Variants in CARHSP1 observed in about 807,000 individuals in gnomAD.
CARHSP1 encodes calcium regulated heat stable protein 1, also known as calcium-regulated heat-stable protein 1.
Under a neutral mutation model 12.5 loss-of-function variants are expected in CARHSP1, and 14 were observed. The ratio of observed to expected loss-of-function variants is 1.12; its 90% CI spans 0.74 to 1.75. CARHSP1 has a LOEUF of 1.75. CARHSP1 is among the 40% of genes most tolerant of loss of function. The pLI, the probability that CARHSP1 is intolerant of heterozygous loss-of-function variation, is 0.00. For synonymous variants in CARHSP1, 161 were observed against 82.0 expected (o/e 1.96, Z -5.20); for missense variants, 343 against 201.6 (o/e 1.70, Z -4.25).
chr16:8,856,126 G>A (rs1400989119), intron 3 of CARHSP1, among the ~76,000 whole-genome samples: 1 of 152,168 alleles, frequency 6.6e-6, no homozygotes, highest in African/African-American at 2.4e-5. Context: ...GAGCCTTCAA[G>A]AAGGTCCCTT....
chr16:8,855,089 T>G lies in CARHSP1; in HGVS notation c.*75A>C. ...AAGCCCCGTCTCGTGTGGAAGAATG[T>G]CATCTCCAGTGTCTGCTGCCTCCTC... is the stretch of plus-strand genomic sequence containing the variant. On this transcript the variant is annotated 3_prime_UTR_variant, in exon 4 of 4. Transcript: ENST00000311052. 2.3e-6 allele frequency: 3 copies of G among 1,317,804 alleles called. No homozygotes were observed. The highest frequency in any genetic ancestry group is 2.7e-5 in the East Asian group (1 of 37,176). 81.6% of individuals were successfully genotyped at this position (1,317,804 alleles called of 1,614,324 possible).
At chr16:8,863,942 T>C (rs1175326723) in intron 1 of CARHSP1, among the ~76,000 whole-genome samples, 1 of 152,158 alleles carries the variant, frequency 6.6e-6, no homozygotes, top group Non-Finnish European at 1.5e-5. Flanking sequence ...AGGCATGGCC[T>C]TGGAGTGTCC....
chr16:8,856,183 C>T (rs888522508), intron 3 of CARHSP1, among the ~76,000 whole-genome samples: 8 of 152,290 alleles, frequency 5.3e-5, no homozygotes, highest in African/African-American at 1.9e-4. Flanking sequence ...TGTGACCACC[C>T]CCAGGAAGGT....
At chr16:8,858,582 C>T (rs563787167) in intron 2 of CARHSP1, 110 bp from the exon 3 acceptor site, 99 of 1,335,054 alleles carry the variant, frequency 7.4e-5, no homozygotes, top group Non-Finnish European at 9.8e-5. Flanking sequence ...CCAGGACCGC[C>T]ATGTACAGTC....
intron 1 of CARHSP1, among the ~76,000 whole-genome samples, chr16:8,863,087 G>C (rs745650135): frequency 6.7e-6 from 1 of 149,082 alleles, no homozygotes; most frequent in Non-Finnish European, 1.5e-5. Context: ...GTCTCCAGAC[G>C]GTCCAGGAAT....
intron 3 of CARHSP1, among the ~76,000 whole-genome samples, chr16:8,855,596 G>A (rs1381575837): frequency 1.3e-5 from 2 of 152,208 alleles, no homozygotes; most frequent in East Asian, 3.8e-4. Context: ...ACCTGTGGGT[G>A]CTCACATGGT....
At chr16:8,868,124 G>A (rs2141134041) in intron 1 of CARHSP1, 1 of 152,816 alleles carries the variant, frequency 6.5e-6, no homozygotes, top group Middle Eastern at 3.4e-3. Context: ...TCAGAGCCCA[G>A]TCTGCAGATG....
chr16:8,855,356 C>A lies in CARHSP1; in HGVS notation c.282-30G>T, dbSNP rs199763505. On this transcript the variant is annotated intron_variant, in intron 3 of 3. Transcript: ENST00000311052. ...GGGGGCATAAATAAAGCAGTCAGGGCTCACACCGGGACACAGCTCCCTTCC... is the reference window on the plus strand; with the variant it reads ...GGGGGCATAAATAAAGCAGTCAGGGATCACACCGGGACACAGCTCCCTTCC... 334 of 1,488,016 alleles carry A rather than the reference C, an allele frequency of 2.2e-4. 1 individual carries two copies. The Middle Eastern group carries it at 8.5e-3, about 38-fold the overall frequency. The allele number at this position is 1,488,016 out of a possible 1,614,324, so 92.2% of individuals were successfully genotyped here.
intron 2 of CARHSP1, chr16:8,858,701 C>G (rs913880120): frequency 3.7e-6 from 2 of 542,622 alleles, no homozygotes; most frequent in Non-Finnish European, 6.5e-6. Flanking sequence ...CCTGTTTTCC[C>G]TCCTGGAAAG....
At chr16:8,864,238 G>A (rs1291896107) in intron 1 of CARHSP1, among the ~76,000 whole-genome samples, 1 of 152,160 alleles carries the variant, frequency 6.6e-6, no homozygotes, top group African/African-American at 2.4e-5. Flanking sequence ...GCATCTGAGC[G>A]CATACACGTG....
chr16:8,858,686 T>G (rs912402391), intron 2 of CARHSP1: 35 of 555,248 alleles, frequency 6.3e-5, no homozygotes, highest in Middle Eastern at 9.7e-4. Context: ...GCCAATTTTC[T>G]CGGGCCTGTT....
At position 8,854,579 on chromosome 16, in the gene CARHSP1, C is replaced by G. The variant is rs2061036482; in HGVS notation, c.*585G>C. ...CTGCAAAGGCACCAAAAGGCAACAT[C>G]CGTCCAATCCAAAGACCGCCACCCC... On this transcript the variant is annotated 3_prime_UTR_variant, in exon 4 of 4. Coordinates refer to ENST00000311052, the MANE Select transcript of CARHSP1 (RefSeq NM_014316.4). The G allele has an allele frequency of 1.3e-5, 2 of 152,866 alleles. No homozygotes were observed. The highest frequency in any genetic ancestry group is 6.5e-5 in the Admixed American group (1 of 15,292). 9.5% of individuals were successfully genotyped at this position (152,866 alleles called of 1,614,324 possible).
Position 8,858,584 on chromosome 16 carries a change from T to G in CARHSP1, c.159-112A>C. The G allele has an allele frequency of 5.2e-6, 7 of 1,335,846 alleles. No individual in the cohort carries two copies. In the East Asian group the frequency reaches 9.6e-5, roughly 18 times the overall value. 82.7% of individuals were successfully genotyped at this position (1,335,846 alleles called of 1,614,324 possible). On this transcript the variant is annotated intron_variant, in intron 2 of 3. Coordinates refer to ENST00000311052, the MANE Select transcript of CARHSP1 (RefSeq NM_014316.4). ...CATCAAGCCCTGGCCAGGACCGCCA[T>G]GTACAGTCACACAGGCTGAGGACTG...
intron 1 of CARHSP1, chr16:8,860,464 G>A (rs927793879): frequency 1.6e-5 from 16 of 985,256 alleles, no homozygotes; most frequent in Non-Finnish European, 1.9e-5. Flanking sequence ...GAATATGAAG[G>A]TGTCGGCTCT....
intron 1 of CARHSP1, chr16:8,860,316 T>C (rs558944107): frequency 1.0e-4 from 100 of 985,244 alleles, no homozygotes; most frequent in Admixed American, 3.1e-4. Flanking sequence ...CACGCTGTTA[T>C]GAAATCAAAT....
chr16:8,858,611 A>C lies in CARHSP1; in HGVS notation c.159-139T>G, dbSNP rs2061234016. ...TACAGTCACACAGGCTGAGGACTGC[A>C]CAACCCTCAACCCTGGGAGCCGCTC... is the stretch of plus-strand genomic sequence containing the variant. On this transcript the variant is annotated intron_variant, in intron 2 of 3. Coordinates refer to ENST00000311052, the MANE Select transcript of CARHSP1 (RefSeq NM_014316.4). 5 of 1,025,536 alleles carry C rather than the reference A, an allele frequency of 4.9e-6. No individual in the cohort carries two copies. The South Asian group carries it at 8.4e-5, about 17-fold the overall frequency. The allele number at this position is 1,025,536 out of a possible 1,614,324, so 63.5% of individuals were successfully genotyped here.
rs532115864 is a variant in CARHSP1, at chr16:8,866,479, C to T, written c.-8+2487G>A. On this transcript the variant is annotated intron_variant, in intron 1 of 3. Coordinates refer to ENST00000311052, the MANE Select transcript of CARHSP1 (RefSeq NM_014316.4). ...GACAGAGACACTGAGCTGACCCATC[C>T]CAGTCTCCAGCGCAGCTGAGCCCCA... is the stretch of plus-strand genomic sequence containing the variant. 5 of 985,394 alleles carry T rather than the reference C, an allele frequency of 5.1e-6. No homozygotes were observed. The South Asian group carries it at 1.4e-4, about 28-fold the overall frequency. The allele number at this position is 985,394 out of a possible 1,614,324, so 61.0% of individuals were successfully genotyped here.
intron 1 of CARHSP1, among the ~76,000 whole-genome samples, chr16:8,866,646 C>G (rs899971563): frequency 5.3e-5 from 8 of 151,884 alleles, no homozygotes; most frequent in African/African-American, 1.9e-4. Flanking sequence ...CCACATTCCC[C>G]TCCATTGTTC....
chr16:8,862,351 G>A (rs1262620346), intron 1 of CARHSP1, among the ~76,000 whole-genome samples: 7 of 152,160 alleles, frequency 4.6e-5, no homozygotes, highest in East Asian at 1.9e-4. Context: ...CACACTGTCC[G>A]CCCAGGTCCA....
Sources: gnomAD v4.1 joint callset for allele counts (sites outside exome capture counted in the v4.1 genomes callset) on GRCh38, gnomAD v4.1.1 for gene constraint, MANE v1.5 for transcripts, NCBI Gene and HGNC (gene_info 2026-07-23, HGNC 2026-07-21) for gene names.